NIPSNAP3B: variants seen among roughly 807,000 people sequenced by gnomAD.
The protein encoded by NIPSNAP3B is protein NipSnap homolog 3B.
NIPSNAP3B carries 30 observed loss-of-function variants against 31.5 expected under a neutral mutation model. That is an observed-to-expected ratio of 0.95 (90% CI 0.71 to 1.29). The LOEUF (loss-of-function observed/expected upper bound fraction) is 1.29. NIPSNAP3B is among the 50% of genes most tolerant of loss of function. The pLI is 0.00. For synonymous variants in NIPSNAP3B, 106 were observed against 107.9 expected, an observed-to-expected ratio of 0.98 and a Z score of 0.11; for missense variants, 269 against 300.7, an observed-to-expected ratio of 0.89 and a Z score of 0.78.
At chr9:104,767,577 TA>T (rs1322780134) in intron 2 of NIPSNAP3B, among the ~76,000 whole-genome samples, 7 of 152,144 alleles carry the variant, frequency 4.6e-5, no homozygotes, top group African/African-American at 1.7e-4. Flanking sequence ...CCTGTTATAA[TA>T]AAACAGACCC....
At chr9:104,785,207 A>G in the NIPSNAP3B span, among the ~76,000 whole-genome samples, 3 of 152,170 alleles carry the variant, frequency 2.0e-5, no homozygotes, top group African/African-American at 7.2e-5. Context: ...CAATAATCCT[A>G]TAGAGTACAT....
intron 2 of NIPSNAP3B, among the ~76,000 whole-genome samples, chr9:104,768,395 T>C (rs1828133850): frequency 6.6e-6 from 1 of 152,178 alleles, no homozygotes; most frequent in South Asian, 2.1e-4. Flanking sequence ...CAAGGAAAAA[T>C]AGTCTTTCTC....
the NIPSNAP3B span, among the ~76,000 whole-genome samples, chr9:104,789,433 A>T: frequency 6.6e-6 from 1 of 152,228 alleles, no homozygotes; most frequent in Non-Finnish European, 1.5e-5. Flanking sequence ...TTACATTGCT[A>T]CTGCAAAAAT....
chr9:104,788,417 C>T, the NIPSNAP3B span: 1 of 1,614,026 alleles, frequency 6.2e-7, no homozygotes, highest in South Asian at 1.1e-5. Flanking sequence ...TTTCAGGTGC[C>T]CACAGTACCT....
chr9:104,769,270 G>A (rs1435224234), intron 3 of NIPSNAP3B, among the ~76,000 whole-genome samples: 1 of 151,846 alleles, frequency 6.6e-6, no homozygotes, highest in Non-Finnish European at 1.5e-5. Flanking sequence ...CCTGGTCAAC[G>A]TAGTGAAGCC....
At chr9:104,787,894 A>C in the NIPSNAP3B span, 4 of 1,613,842 alleles carry the variant, frequency 2.5e-6, no homozygotes, top group Non-Finnish European at 3.4e-6. Flanking sequence ...CCAGAACAAC[A>C]GTTTTCCATC....
the NIPSNAP3B span, chr9:104,784,155 TCATTGCATTGAATTG>T: frequency 1.1e-6 from 1 of 913,434 alleles, no homozygotes. Context: ...AATTTTGTTT[TCATTGCATTGAATTG>T]CATTGCATTG....
downstream of NIPSNAP3B, among the ~76,000 whole-genome samples, chr9:104,780,576 A>G (rs992652009): frequency 6.6e-6 from 1 of 152,096 alleles, no homozygotes; most frequent in Admixed American, 6.5e-5. Flanking sequence ...CCTGCTCACC[A>G]TTGCCACCAC....
chr9:104,781,001 A>T (rs1828513357), downstream of NIPSNAP3B: 2 of 152,626 alleles, frequency 1.3e-5, no homozygotes, highest in Non-Finnish European at 2.9e-5. Flanking sequence ...ACAAAAGTAA[A>T]TTTCTGTAGA....
the NIPSNAP3B span, among the ~76,000 whole-genome samples, chr9:104,790,354 A>T: frequency 1.3e-5 from 2 of 152,216 alleles, no homozygotes; most frequent in African/African-American, 4.8e-5. Flanking sequence ...AATGGAAACT[A>T]ATGTGTCCAA....
At chr9:104,779,908 G>A (rs1390484012), downstream of NIPSNAP3B, among the ~76,000 whole-genome samples, 1 of 152,164 alleles carries the variant, frequency 6.6e-6, no homozygotes, top group Non-Finnish European at 1.5e-5. Flanking sequence ...GCGCATGCCT[G>A]TAGTACCAGC....
chr9:104,780,381 A>G (rs1000889720), downstream of NIPSNAP3B, among the ~76,000 whole-genome samples: 2 of 152,222 alleles, frequency 1.3e-5, no homozygotes, highest in Admixed American at 6.5e-5. Context: ...ACTGTTTGAC[A>G]GGGATTCTTC....
At position 104,777,037 on chromosome 9, in the gene NIPSNAP3B, G is replaced by A. The variant is rs1182063640; in HGVS notation, c.*3964G>A. The A allele has an allele frequency of 6.6e-6, 1 of 152,192 alleles. No homozygotes were observed. Among genetic ancestry groups the A allele is most frequent in the Admixed American group, 6.5e-5 (1 of 15,282 alleles). The allele number at this position is 152,192 out of a possible 1,614,324, so 9.4% of individuals were successfully genotyped here. A position where few individuals can be genotyped will look rare whatever the true frequency, so the allele number is the denominator to read the frequency against. On this transcript the variant is annotated 3_prime_UTR_variant, in exon 6 of 6. Coordinates refer to ENST00000374762, the MANE Select transcript of NIPSNAP3B (RefSeq NM_018376.4). ...ACTCAGTAGAAGTTCTGGCTATGGGGGAGTGCCATCAATAAATAAAAATAA... is the reference window on the plus strand; with the variant it reads ...ACTCAGTAGAAGTTCTGGCTATGGGAGAGTGCCATCAATAAATAAAAATAA...
chr9:104,784,553 G>A, the NIPSNAP3B span: 3 of 1,408,084 alleles, frequency 2.1e-6, no homozygotes, highest in Non-Finnish European at 3.0e-6. Flanking sequence ...AGGTCAAGTA[G>A]GAGCATACAG....
chr9:104,788,177 A>T, the NIPSNAP3B span: 1 of 1,257,510 alleles, frequency 8.0e-7, no homozygotes, highest in Non-Finnish European at 1.2e-6. Flanking sequence ...ATAACCTGAC[A>T]ACTGGTGAGG....
the NIPSNAP3B span, among the ~76,000 whole-genome samples, chr9:104,787,330 T>A: frequency 6.6e-6 from 1 of 152,120 alleles, no homozygotes; most frequent in African/African-American, 2.4e-5. Flanking sequence ...GAAGTCAGTA[T>A]AAGATTGGGG....
chr9:104,764,392 TC>T, intron 1 of NIPSNAP3B, 92 bp downstream of exon 1: 2 of 1,148,688 alleles, frequency 1.7e-6, no homozygotes, highest in Non-Finnish European at 2.4e-6. Flanking sequence ...GCTCAGGCGC[TC>T]CCAGACCTGG....
At chr9:104,769,711 T>C (rs1313769817) in intron 3 of NIPSNAP3B, among the ~76,000 whole-genome samples, 3 of 152,180 alleles carry the variant, frequency 2.0e-5, no homozygotes, top group African/African-American at 7.2e-5. Context: ...TGTATAAACT[T>C]TTAAATATAA....
chr9:104,772,701 T>TG, intron 4 of NIPSNAP3B, 121 bp from the exon 5 acceptor site: 1 of 1,188,080 alleles, frequency 8.4e-7, no homozygotes, highest in Non-Finnish European at 1.2e-6. Context: ...AACTAACATA[T>TG]TTAGTTTTAC....
Sources: allele counts gnomAD v4.1 joint callset (sites outside exome capture counted in the v4.1 genomes callset), GRCh38; gene constraint gnomAD v4.1.1; transcripts MANE v1.5; gene names NCBI Gene and HGNC (gene_info 2026-07-23, HGNC 2026-07-21).